Variants in TPRG1 observed in about 807,000 individuals in gnomAD.
TPRG1 encodes the protein tumor protein p63 regulated 1.
In TPRG1, 29 loss-of-function variants were observed where a neutral mutation model predicts 29.3. The ratio of observed to expected loss-of-function variants is 0.99; its 90% CI spans 0.74 to 1.35. The LOEUF is 1.35. Ranked by LOEUF, TPRG1 falls within the 40% of genes most tolerant of loss-of-function variation. TPRG1 has a pLI of 0.00. For missense variants in TPRG1, 327 were observed against 335.0 expected, an observed-to-expected ratio of 0.98 and a Z score of 0.19; for synonymous variants, 130 against 116.8, an observed-to-expected ratio of 1.11 and a Z score of -0.73.
chr3:189,181,541 A>T (rs1239121940), intron 1 of TPRG1, among the ~76,000 whole-genome samples: 1 of 152,210 alleles, frequency 6.6e-6, no homozygotes, highest in African/African-American at 2.4e-5. Context: ...TTGCTAAAAC[A>T]TAACAACAGT....
chr3:189,059,628 AG>A (rs1468793188), intron 4 of TPRG1, among the ~76,000 whole-genome samples: 2 of 151,838 alleles, frequency 1.3e-5, no homozygotes, highest in African/African-American at 4.8e-5. Flanking sequence ...AAAAAAACAA[AG>A]GAAAAAAAAA....
intron 3 of TPRG1, among the ~76,000 whole-genome samples, chr3:189,233,482 T>G (rs1245057366): frequency 1.3e-5 from 2 of 152,140 alleles, no homozygotes; most frequent in Non-Finnish European, 2.9e-5. Context: ...TCACGAGTTC[T>G]CAGGTGCCTT....
intron 4 of TPRG1, among the ~76,000 whole-genome samples, chr3:189,077,651 A>G (rs1717270213): frequency 6.6e-6 from 1 of 152,250 alleles, no homozygotes; most frequent in African/African-American, 2.4e-5. Flanking sequence ...CCTAAACTAA[A>G]GAGAAATTGA....
intron 5 of TPRG1, among the ~76,000 whole-genome samples, chr3:189,160,359 G>A (rs1351330598): frequency 6.6e-6 from 1 of 152,200 alleles, no homozygotes; most frequent in African/African-American, 2.4e-5. Flanking sequence ...GCTGGGGAAA[G>A]ATGTGATAAA....
At chr3:189,167,639 C>G (rs1032769438), upstream of TPRG1, among the ~76,000 whole-genome samples, 6 of 152,210 alleles carry the variant, frequency 3.9e-5, no homozygotes, top group East Asian at 9.6e-4. Flanking sequence ...GCCTGTGTAA[C>G]TGCACGAGTT....
rs563432332 is a variant in TPRG1, at chr3:189,257,567, G to T, written c.479+18658G>T. 7.4e-4 allele frequency among the ~76,000 whole-genome samples: 113 copies of T among 152,104 alleles called. 1 individual carries two copies. The highest frequency in any genetic ancestry group is 1.4e-3 in the Non-Finnish European group (94 of 67,980). On this transcript the variant is annotated intron_variant, in intron 4 of 5. Transcript: ENST00000345063. Reference sequence around the variant, plus strand: ...CTGTTGGCCTGTCTTGCTAGGTTGGGGAAGTTCTTTAGGATAATATCCTGA... The same window carrying T: ...CTGTTGGCCTGTCTTGCTAGGTTGGTGAAGTTCTTTAGGATAATATCCTGA...
At chr3:189,009,891 C>T (rs1466850182) in intron 3 of TPRG1, among the ~76,000 whole-genome samples, 3 of 151,906 alleles carry the variant, frequency 2.0e-5, no homozygotes, top group African/African-American at 7.3e-5. Context: ...CAGATCATCC[C>T]ATCACCCAGG....
chr3:189,299,015 T>C (rs1720396227), intron 4 of TPRG1, among the ~76,000 whole-genome samples: 1 of 151,784 alleles, frequency 6.6e-6, no homozygotes, highest in Admixed American at 6.6e-5. Context: ...ACTCCCAACC[T>C]CTCTTGAGAG....
chr3:189,053,734 G>C (rs1715479891), intron 4 of TPRG1, among the ~76,000 whole-genome samples: 1 of 152,184 alleles, frequency 6.6e-6, no homozygotes, highest in Non-Finnish European at 1.5e-5. Context: ...TTGGCTTTCT[G>C]TGTGGTGAGC....
rs79140139 is a variant in TPRG1 at position 189,277,732 on chromosome 3, A to G, written c.480-32654A>G. ...AATTAATATATTAAGGAGCATGAGA[A>G]GCATCAATCCATGAATTCAAATGTA... On this transcript the variant is annotated intron_variant, in intron 4 of 5. Transcript: ENST00000345063. Among the ~76,000 whole-genome samples, 35 of 152,338 alleles carry G rather than the reference A, an allele frequency of 2.3e-4. No individual in the cohort carries two copies. The East Asian group carries it at 6.8e-3, about 29-fold the overall frequency.
chr3:189,324,982 C>G lies in TPRG1; in HGVS notation c.*4162C>G, dbSNP rs1724604229. ...ACTGATGTGTAAACTCACCTTTGGT[C>G]TGCACCTCCCACAACGTGCTCCGAA... On this transcript the variant is annotated 3_prime_UTR_variant, in exon 6 of 6. Transcript: ENST00000345063. 1 of 152,120 alleles carries G rather than the reference C, an allele frequency of 6.6e-6. No individual in the cohort carries two copies. Among genetic ancestry groups the G allele is most frequent in the African/African-American group, 2.4e-5 (1 of 41,430 alleles). 9.4% of individuals were successfully genotyped at this position (152,120 alleles called of 1,614,324 possible). A position where few individuals can be genotyped will look rare whatever the true frequency, so the allele number is the denominator to read the frequency against.
intron 2 of TPRG1, 42 bp from the exon 3 acceptor site, chr3:189,215,250 C>A (rs773507132): frequency 7.3e-5 from 113 of 1,549,278 alleles, no homozygotes; most frequent in Non-Finnish European, 9.5e-5. Context: ...GCGAAGTGGG[C>A]TAAGTCTGCT....
At chr3:189,285,790 C>T (rs1037439891) in intron 4 of TPRG1, among the ~76,000 whole-genome samples, 3 of 152,212 alleles carry the variant, frequency 2.0e-5, no homozygotes, top group African/African-American at 7.2e-5. Context: ...ACTCAAGTCT[C>T]CTGACTCCAA....
intron 5 of TPRG1, among the ~76,000 whole-genome samples, chr3:189,319,637 T>A (rs1239717291): frequency 6.6e-6 from 1 of 152,138 alleles, no homozygotes; most frequent in Non-Finnish European, 1.5e-5. Context: ...AAACTCATCT[T>A]GTCTTCCTGC....
chr3:189,084,437 C>G (rs1717805549), intron 4 of TPRG1, among the ~76,000 whole-genome samples: 1 of 152,210 alleles, frequency 6.6e-6, no homozygotes, highest in Non-Finnish European at 1.5e-5. Context: ...TTTCATTACT[C>G]AGGCTTGCCT....
intron 4 of TPRG1, among the ~76,000 whole-genome samples, chr3:189,296,578 G>A (rs75579970): frequency 2.3e-3 from 345 of 152,156 alleles, no homozygotes; most frequent in African/African-American, 7.9e-3. Flanking sequence ...TTGTAGTATT[G>A]TTTCCTTTTT....
intron 4 of TPRG1, among the ~76,000 whole-genome samples, chr3:189,034,986 C>T (rs142575653): frequency 0.01 from 1,532 of 152,194 alleles, 26 homozygotes; most frequent in African/African-American, 0.035. Context: ...ACAAAGCAAT[C>T]CTAAGCAAAA....
At chr3:189,074,963 C>A (rs1298320896) in intron 4 of TPRG1, among the ~76,000 whole-genome samples, 2 of 151,948 alleles carry the variant, frequency 1.3e-5, no homozygotes, top group African/African-American at 4.8e-5. Context: ...AGGCGCCCGC[C>A]ACCACGCCCG....
intron 1 of TPRG1, among the ~76,000 whole-genome samples, chr3:189,112,524 C>A (rs936865141): frequency 2.0e-5 from 3 of 152,180 alleles, no homozygotes; most frequent in African/African-American, 7.2e-5. Context: ...ACGTTTAAGT[C>A]TTTAATCCAT....
Sources: gnomAD v4.1 joint callset for allele counts (sites outside exome capture counted in the v4.1 genomes callset) on GRCh38, gnomAD v4.1.1 for gene constraint, MANE v1.5 for transcripts, NCBI Gene and HGNC (gene_info 2026-07-23, HGNC 2026-07-21) for gene names.